SAMD4A: variants seen among roughly 807,000 people sequenced by gnomAD.
The protein encoded by SAMD4A is protein Smaug homolog 1.
Under a neutral mutation model 81.3 loss-of-function variants are expected in SAMD4A, and 33 were observed. That is an observed-to-expected ratio of 0.41 (90% confidence interval 0.31 to 0.54). SAMD4A has a LOEUF of 0.54. Ranked by LOEUF, SAMD4A falls within the 20% of genes least tolerant of loss-of-function variation. The pLI is 0.37. For missense variants in SAMD4A, 854 were observed against 951.1 expected (o/e 0.90, Z 1.34); for synonymous variants, 389 against 382.1 (o/e 1.02, Z -0.21).
chr14:54,697,752 G>A (rs1351234356), intron 2 of SAMD4A, among the ~76,000 whole-genome samples: 4 of 152,196 alleles, frequency 2.6e-5, no homozygotes, highest in Non-Finnish European at 5.9e-5. Flanking sequence ...TCAGAAATAT[G>A]AGAGATTCTG....
intron 3 of SAMD4A, among the ~76,000 whole-genome samples, chr14:54,711,868 C>A (rs1025558198): frequency 6.6e-6 from 1 of 152,090 alleles, no homozygotes; most frequent in Non-Finnish European, 1.5e-5. Flanking sequence ...GGGAAAAAAA[C>A]CTCCATTTCT....
chr14:54,579,750 A>C (rs893486351), intron 2 of SAMD4A, among the ~76,000 whole-genome samples: 1 of 152,210 alleles, frequency 6.6e-6, no homozygotes, highest in Non-Finnish European at 1.5e-5. Flanking sequence ...CCTCTGCATG[A>C]ATGGGCTGGG....
At chr14:54,685,280 C>CA (rs891845004) in intron 2 of SAMD4A, among the ~76,000 whole-genome samples, 3 of 148,498 alleles carry the variant, frequency 2.0e-5, no homozygotes, top group Middle Eastern at 3.4e-3. Context: ...TCCTGCCCCC[C>CA]CCCCCAGCTC....
chr14:54,775,359 G>A (rs2038815747), intron 10 of SAMD4A, among the ~76,000 whole-genome samples: 1 of 152,154 alleles, frequency 6.6e-6, no homozygotes, highest in Non-Finnish European at 1.5e-5. Flanking sequence ...TTTAACCTTG[G>A]GGACCCTGCA....
At chr14:54,571,407 A>G (rs1566526080) in intron 2 of SAMD4A, among the ~76,000 whole-genome samples, 2 of 152,226 alleles carry the variant, frequency 1.3e-5, no homozygotes, top group Non-Finnish European at 2.9e-5. Context: ...GGCCAGTCTC[A>G]GTTCCAGGAC....
At chr14:54,765,995 C>A (rs951378400) in intron 8 of SAMD4A, among the ~76,000 whole-genome samples, 12 of 152,126 alleles carry the variant, frequency 7.9e-5, no homozygotes, top group African/African-American at 2.7e-4. Context: ...ACTACAGTGA[C>A]CAGCCGCCTA....
chr14:54,658,121 C>T (rs1288687580), intron 2 of SAMD4A, among the ~76,000 whole-genome samples: 2 of 152,102 alleles, frequency 1.3e-5, no homozygotes, highest in African/African-American at 2.4e-5. Flanking sequence ...ACCAGCCTGG[C>T]CAACATGGCG....
At chr14:54,568,550 A>C (rs1003760041) in intron 2 of SAMD4A, among the ~76,000 whole-genome samples, 2 of 151,478 alleles carry the variant, frequency 1.3e-5, no homozygotes, top group Non-Finnish European at 2.9e-5. Context: ...TCAGAAGCCA[A>C]GCTTGGATAA....
At chr14:54,773,180 A>G (rs1039404854) in intron 9 of SAMD4A, among the ~76,000 whole-genome samples, 1 of 152,156 alleles carries the variant, frequency 6.6e-6, no homozygotes, top group African/African-American at 2.4e-5. Flanking sequence ...CCCTTAGGAA[A>G]TTTAAGAATT....
intron 3 of SAMD4A, among the ~76,000 whole-genome samples, chr14:54,733,688 C>T (rs1594873073): frequency 6.6e-6 from 1 of 152,050 alleles, no homozygotes. Flanking sequence ...CTGAATGAAC[C>T]GTTAGCCATT....
intron 2 of SAMD4A, among the ~76,000 whole-genome samples, chr14:54,583,886 T>G (rs1294219989): frequency 6.6e-6 from 1 of 152,248 alleles, no homozygotes; most frequent in African/African-American, 2.4e-5. Flanking sequence ...TTTTCACAGT[T>G]AAATTATCAA....
chr14:54,780,983 C>G (rs2038985754), intron 11 of SAMD4A, among the ~76,000 whole-genome samples: 1 of 151,872 alleles, frequency 6.6e-6, no homozygotes, highest in Non-Finnish European at 1.5e-5. Flanking sequence ...CTTCTTAGTT[C>G]TCTTGTCTTC....
chr14:54,567,885 G>A lies in SAMD4A; in HGVS notation c.-32G>A. On this transcript the variant is annotated 5_prime_UTR_variant, in exon 2 of 13. Coordinates refer to ENST00000554335, the MANE Select transcript of SAMD4A (RefSeq NM_015589.6). ...GGCGGGGCGGGCTGGGGCGCCCAGG[G>A]GGCTCTGTAGACCGAGGGCGGCCCC... 1 of 1,589,802 alleles carries A rather than the reference G, an allele frequency of 6.3e-7. No individual in the cohort carries two copies. Among genetic ancestry groups the A allele is most frequent in the Non-Finnish European group, 8.5e-7 (1 of 1,174,428 alleles).
At chr14:54,627,059 C>A (rs529537484) in intron 2 of SAMD4A, among the ~76,000 whole-genome samples, 1 of 152,186 alleles carries the variant, frequency 6.6e-6, no homozygotes, top group Non-Finnish European at 1.5e-5. Flanking sequence ...TAATTCTAAG[C>A]AATTGCTATT....
At chr14:54,638,796 C>T (rs913101339) in intron 2 of SAMD4A, among the ~76,000 whole-genome samples, 4 of 152,044 alleles carry the variant, frequency 2.6e-5, no homozygotes, top group Admixed American at 1.3e-4. Context: ...TAATTTCTGG[C>T]CTAGCTAGAA....
chr14:54,662,726 T>G (rs776207725), intron 2 of SAMD4A, among the ~76,000 whole-genome samples: 1 of 152,106 alleles, frequency 6.6e-6, no homozygotes, highest in African/African-American at 2.4e-5. Context: ...AGTGGGACAC[T>G]TATTGATGTC....
intron 2 of SAMD4A, among the ~76,000 whole-genome samples, chr14:54,608,629 T>G (rs1378359028): frequency 6.6e-6 from 1 of 152,244 alleles, no homozygotes; most frequent in Admixed American, 6.5e-5. Context: ...GAGTTTGATA[T>G]TTCGGTGAAT....
chr14:54,645,927 C>T (rs2035277997), intron 2 of SAMD4A, among the ~76,000 whole-genome samples: 1 of 152,208 alleles, frequency 6.6e-6, no homozygotes, highest in South Asian at 2.1e-4. Context: ...TTTTGCTTCG[C>T]AAAATTATTC....
chr14:54,615,907 A>G (rs1183691974), intron 2 of SAMD4A, among the ~76,000 whole-genome samples: 1 of 150,578 alleles, frequency 6.6e-6, no homozygotes, highest in Non-Finnish European at 1.5e-5. Flanking sequence ...TAGAAGACAG[A>G]TTTAATTATA....
Sources: allele counts gnomAD v4.1 joint callset (sites outside exome capture counted in the v4.1 genomes callset), GRCh38; gene constraint gnomAD v4.1.1; transcripts MANE v1.5; gene names NCBI Gene and HGNC (gene_info 2026-07-23, HGNC 2026-07-21).